TMCC2: variants seen among roughly 807,000 people sequenced by gnomAD.
TMCC2 encodes transmembrane and coiled-coil domain family 2.
A neutral mutation model predicts 49.4 loss-of-function variants in TMCC2; 16 were observed. The observed-to-expected ratio is 0.32, with a 90% confidence interval of 0.22 to 0.49. The LOEUF (loss-of-function observed/expected upper bound fraction) is 0.49. Ranked by LOEUF, TMCC2 falls within the 20% of genes least tolerant of loss-of-function variation. The pLI is 0.99. For missense variants in TMCC2, 762 were observed against 989.8 expected, an observed-to-expected ratio of 0.77 and a Z score of 3.09; for synonymous variants, 397 against 434.1, an observed-to-expected ratio of 0.91 and a Z score of 1.06.
intron 2 of TMCC2, among the ~76,000 whole-genome samples, chr1:205,259,535 C>T (rs976067163): frequency 5.3e-5 from 8 of 152,286 alleles, no homozygotes; most frequent in Non-Finnish European, 1.2e-4. Flanking sequence ...CCTCCCTCCA[C>T]ACAGCTTCAC....
chr1:205,252,825 GAGAA>G (rs1010921990), intron 2 of TMCC2, among the ~76,000 whole-genome samples: 54 of 142,788 alleles, frequency 3.8e-4, no homozygotes, highest in African/African-American at 1.3e-3. Context: ...TTTTTTTTAA[GAGAA>G]AGAAAAGTAG....
At chr1:205,229,298 C>A (rs1392774245) in intron 1 of TMCC2, among the ~76,000 whole-genome samples, 1 of 151,846 alleles carries the variant, frequency 6.6e-6, no homozygotes, top group Admixed American at 6.6e-5. Flanking sequence ...AAGCGATTCT[C>A]CTGTCTCAGC....
chr1:205,253,489 C>T (rs757185011), intron 2 of TMCC2, among the ~76,000 whole-genome samples: 2 of 152,200 alleles, frequency 1.3e-5, no homozygotes, highest in Non-Finnish European at 2.9e-5. Context: ...CAGAGACCCC[C>T]TGCCACAGCT....
At chr1:205,254,265 C>T (rs77490820) in intron 2 of TMCC2, among the ~76,000 whole-genome samples, 1,672 of 152,348 alleles carry the variant, frequency 0.011, 10 homozygotes, top group Non-Finnish European at 0.016. Context: ...CAGACACATT[C>T]ACCTTAACCC....
intron 1 of TMCC2, among the ~76,000 whole-genome samples, chr1:205,232,976 A>C (rs1164974858): frequency 1.6e-5 from 2 of 124,986 alleles, no homozygotes; most frequent in African/African-American, 2.9e-5. Context: ...AAAAACACAC[A>C]CACAAAAAAC....
In TMCC2 at chr1:205,228,625, C is replaced by A. The variant is rs1278237121; in HGVS notation, c.61C>A (p.Leu21Met). The change falls in exon 1 of 5, where the codon CTG (leucine) becomes ATG (methionine). Residue 21 changes from leucine to methionine, a missense_variant. Around this residue, in one of 2 missense-constraint regions of TMCC2, gnomAD observed 322 missense variants for 353.1 expected, o/e 0.91. Transcript: ENST00000358024. ...QQQGEEDGAGLEDAASHLPGA... is the reference protein window; with the variant it reads ...QQQGEEDGAGMEDAASHLPGA... ...ACAGGGCGAGGAGGATGGAGCTGGG[C>A]TGGAAGATGCCGCTTCCCACCTGCC... The A allele has an allele frequency of 3.1e-6, 5 of 1,613,196 alleles. No individual in the cohort carries two copies. Among genetic ancestry groups the A allele is most frequent in the Non-Finnish European group, 4.2e-6 (5 of 1,179,788 alleles).
intron 1 of TMCC2, chr1:205,229,929 C>T (rs1319266344): frequency 3.0e-6 from 3 of 985,350 alleles, no homozygotes; most frequent in African/African-American, 1.7e-5. Flanking sequence ...CAAGCCAGCT[C>T]ACCGTCCAGC....
chr1:205,247,755 C>G (rs373104316), intron 2 of TMCC2, among the ~76,000 whole-genome samples: 4 of 152,054 alleles, frequency 2.6e-5, no homozygotes, highest in Non-Finnish European at 4.4e-5. Flanking sequence ...AAGCCTCCCC[C>G]ACTCCCCCAC....
chr1:205,261,670 A>C, intron 2 of TMCC2, among the ~76,000 whole-genome samples: 1 of 139,974 alleles, frequency 7.1e-6, no homozygotes. Flanking sequence ...TGGAGTGAGA[A>C]CCCGTCTCAA....
intron 2 of TMCC2, among the ~76,000 whole-genome samples, chr1:205,260,018 A>G (rs1661040406): frequency 6.6e-6 from 1 of 152,044 alleles, no homozygotes; most frequent in Non-Finnish European, 1.5e-5. Flanking sequence ...GCAAGATGTA[A>G]GGCCCTGGCT....
intron 2 of TMCC2, among the ~76,000 whole-genome samples, chr1:205,262,217 T>C (rs1485135947): frequency 6.6e-6 from 1 of 152,100 alleles, no homozygotes; most frequent in Admixed American, 6.5e-5. Flanking sequence ...AGCAAAGTGA[T>C]GTTCTGTGAT....
At chr1:205,247,346 G>A (rs952551735) in intron 2 of TMCC2, among the ~76,000 whole-genome samples, 2 of 152,174 alleles carry the variant, frequency 1.3e-5, no homozygotes, top group Admixed American at 1.3e-4. Context: ...TGACGTCACT[G>A]AACCCGGCTG....
At position 205,254,307 on chromosome 1, in the gene TMCC2, G is replaced by T. The variant is rs918190774; in HGVS notation, c.747+12263G>T. On this transcript the variant is annotated intron_variant, in intron 2 of 4. Coordinates refer to ENST00000358024, the MANE Select transcript of TMCC2 (RefSeq NM_014858.4). ...TTTACGCCGTCCTCCCATCACATTT[G>T]TGGAAACAGTCTCAGCGCCTACAGT... Among the ~76,000 whole-genome samples, 7 of 152,270 alleles carry T rather than the reference G, an allele frequency of 4.6e-5. No individual in the cohort carries two copies. The South Asian group carries it at 1.5e-3, about 32-fold the overall frequency.
At chr1:205,249,369 C>T (rs986426690) in intron 2 of TMCC2, among the ~76,000 whole-genome samples, 4 of 152,222 alleles carry the variant, frequency 2.6e-5, no homozygotes, top group African/African-American at 7.2e-5. Flanking sequence ...GAGGGGCCCC[C>T]CCAACCCCTG....
intron 1 of TMCC2, among the ~76,000 whole-genome samples, chr1:205,237,960 C>G (rs115457507): frequency 6.6e-6 from 1 of 152,196 alleles, no homozygotes; most frequent in Non-Finnish European, 1.5e-5. Context: ...CTTCTTGCTT[C>G]GGTCTTACAG....
At position 205,241,109 on chromosome 1, in the gene TMCC2, G is replaced by C. The variant is rs903262894; in HGVS notation, c.208-396G>C. Among the ~76,000 whole-genome samples the C allele has an allele frequency of 6.6e-6, 1 of 152,082 alleles. No individual in the cohort carries two copies. The highest frequency in any genetic ancestry group is 2.4e-5 in the African/African-American group (1 of 41,390). On this transcript the variant is annotated intron_variant, in intron 1 of 4. Transcript: ENST00000358024. The surrounding 1 kb of genome is among the most constrained non-coding windows in gnomAD (Gnocchi z 7.3). ...AAGAACTAGTACAGCTTGAAGGGTC[G>C]TCTAACTTGGAAGGAGGGAAGGACT...
chr1:205,258,309 C>A lies in TMCC2; in HGVS notation c.748-10641C>A, dbSNP rs181141142. Among the ~76,000 whole-genome samples the A allele has an allele frequency of 7.9e-5, 12 of 152,240 alleles. No individual in the cohort carries two copies. In the East Asian group the frequency reaches 2.3e-3, roughly 29 times the overall value. ...AAAGCTACTGAGGGCATGCTCTGCC[C>A]TTCGAATCCCCCATGTGGCAGCTGG... On this transcript the variant is annotated intron_variant, in intron 2 of 4. Coordinates refer to ENST00000358024, the MANE Select transcript of TMCC2 (RefSeq NM_014858.4).
intron 2 of TMCC2, among the ~76,000 whole-genome samples, chr1:205,259,806 G>A (rs1661030257): frequency 1.3e-5 from 2 of 152,254 alleles, no homozygotes; most frequent in Non-Finnish European, 2.9e-5. Context: ...TTAGTGTTGT[G>A]AAAGGGGCCA....
chr1:205,230,980 T>TCCCCCCCCCCCCCCCC (rs1659769694), intron 1 of TMCC2, among the ~76,000 whole-genome samples: 1 of 6,520 alleles, frequency 1.5e-4, no homozygotes, highest in Non-Finnish European at 3.6e-4. Flanking sequence ...CGCGCCCCCA[T>TCCCCCCCCCCCCCCCC]CCACCCCATC....
Sources: gnomAD v4.1 joint callset for allele counts (sites outside exome capture counted in the v4.1 genomes callset) on GRCh38, gnomAD v4.1.1 for gene constraint, gnomAD v4.1.1 regional missense constraint, Gnocchi (gnomAD v3.1) non-coding constraint, MANE v1.5 for transcripts, NCBI Gene and HGNC (gene_info 2026-07-23, HGNC 2026-07-21) for gene names.